JADE1: variants seen among roughly 807,000 people sequenced by gnomAD.
JADE1 encodes the protein protein Jade-1.
A neutral mutation model predicts 81.8 loss-of-function variants in JADE1; 14 were observed. That is an observed-to-expected ratio of 0.17 (90% CI 0.11 to 0.27). The LOEUF is 0.27. JADE1 is among the 10% of genes least tolerant of loss of function. The pLI, the probability that JADE1 is intolerant of heterozygous loss-of-function variation, is 1.00. For synonymous variants in JADE1, 353 were observed against 391.9 expected (o/e 0.90, Z 1.17); for missense variants, 690 against 1,047.9 (o/e 0.66, Z 4.71).
rs769709335 is a variant in JADE1 at position 128,871,716 on chromosome 4, C to A, written c.1983C>A (p.Asp661Glu). ...VVMPDHGKRR[D>E]NRFHCDLIKG... is the part of the protein sequence containing the mutation. ...TGCCAGACCATGGGAAAAGAAGAGA[C>A]AATCGTTTTCATTGTGATCTCATTA... is the stretch of plus-strand genomic sequence containing the variant. Residue 661 changes from aspartate to glutamate, a missense_variant, in exon 11 of 11, where the codon GAC (aspartate) becomes GAA (glutamate). Around this residue, in one of 8 missense-constraint regions of JADE1, gnomAD observed 218 missense variants for 274.3 expected, o/e 0.79. Coordinates refer to ENST00000226319, the MANE Select transcript of JADE1 (RefSeq NM_199320.4). The surrounding 1 kb of genome is among the most constrained non-coding windows in gnomAD (Gnocchi z 4.1). The A allele has an allele frequency of 2.5e-6, 4 of 1,614,014 alleles. No individual in the cohort carries two copies. Among genetic ancestry groups the A allele is most frequent in the Non-Finnish European group, 3.4e-6 (4 of 1,180,016 alleles).
In JADE1 at chr4:128,863,719, G is replaced by A. The variant is rs557708718; in HGVS notation, c.1503+1494G>A. ...TTGCCTCTCACAACTACATGTATGT[G>A]TGGCATTTTTGTTAGAGATGAGAAA... On this transcript the variant is annotated intron_variant, in intron 9 of 10. Coordinates refer to ENST00000226319, the MANE Select transcript of JADE1 (RefSeq NM_199320.4). 5.4e-5 allele frequency: 53 copies of A among 985,398 alleles called. No homozygotes were observed. The South Asian group carries it at 2.0e-3, about 38-fold the overall frequency. The allele number at this position is 985,398 out of a possible 1,614,324, so 61.0% of individuals were successfully genotyped here. A position where few individuals can be genotyped will look rare whatever the true frequency, so the allele number is the denominator to read the frequency against.
intron 6 of JADE1, among the ~76,000 whole-genome samples, chr4:128,854,085 T>G (rs1254574678): frequency 6.6e-6 from 1 of 152,192 alleles, no homozygotes; most frequent in Non-Finnish European, 1.5e-5. Context: ...CTTGCTATTT[T>G]TTTCCCCATG....
At chr4:128,814,092 G>A (rs530019262) in intron 1 of JADE1, among the ~76,000 whole-genome samples, 1 of 152,024 alleles carries the variant, frequency 6.6e-6, no homozygotes, top group South Asian at 2.1e-4. Flanking sequence ...CACTTGACTG[G>A]TTTTCTGCCT....
At chr4:128,811,853 T>C (rs1465431737) in intron 1 of JADE1, 1 of 151,800 alleles carries the variant, frequency 6.6e-6, no homozygotes, top group Non-Finnish European at 1.5e-5. Context: ...TGATACACAG[T>C]TTCCAGAACT....
chr4:128,841,510 CAAGTAGA>C (rs1729431216), intron 2 of JADE1, among the ~76,000 whole-genome samples: 1 of 152,096 alleles, frequency 6.6e-6, no homozygotes, highest in African/African-American at 2.4e-5. Flanking sequence ...TTTCTGACGT[CAAGTAGA>C]AATGGTGGTA....
Position 128,871,706 on chromosome 4 carries a change from A to AAAG in JADE1, c.1978_1980dup (p.Arg660dup), listed in dbSNP as rs1732208156. The AAAG allele has an allele frequency of 6.2e-7, 1 of 1,614,070 alleles. No homozygotes were observed. Among genetic ancestry groups the AAAG allele is most frequent in the Admixed American group, 1.7e-5 (1 of 60,008 alleles). On this transcript the variant is annotated inframe_insertion, in exon 11 of 11. Coordinates refer to ENST00000226319, the MANE Select transcript of JADE1 (RefSeq NM_199320.4). The surrounding 1 kb of genome is among the most constrained non-coding windows in gnomAD (Gnocchi z 4.1). ...GGTGTGGTGATGCCAGACCATGGGA[A>AAAG]AAGAAGAGACAATCGTTTTCATTGT...
At chr4:128,823,198 TA>T (rs1727737795) in intron 1 of JADE1, among the ~76,000 whole-genome samples, 1 of 152,290 alleles carries the variant, frequency 6.6e-6, no homozygotes, top group African/African-American at 2.4e-5. Flanking sequence ...TGCTGACTCT[TA>T]ATTGAGTCAG....
Position 128,861,813 on chromosome 4 carries a change from A to T in JADE1, c.1091A>T (p.Tyr364Phe). The T allele has an allele frequency of 6.2e-7, 1 of 1,614,180 alleles. No individual in the cohort carries two copies. The highest frequency in any genetic ancestry group is 8.5e-7 in the Non-Finnish European group (1 of 1,180,026). The change falls in exon 9 of 11, where the codon TAT becomes TTT. Residue 364 changes from tyrosine to phenylalanine, a missense_variant. Tyr to Phe is a conservative substitution (Grantham distance 22). Around this residue, in one of 8 missense-constraint regions of JADE1, gnomAD observed 77 missense variants for 76.4 expected, o/e 1.01. Coordinates refer to ENST00000226319, the MANE Select transcript of JADE1 (RefSeq NM_199320.4). ...AENDEVKFKS[Y>F]CPKHSSHRKP... ...AATGATGAAGTCAAGTTCAAGTCCT[A>T]TTGCCCAAAGCACAGCTCACATAGG...
intron 5 of JADE1, among the ~76,000 whole-genome samples, chr4:128,850,157 C>T (rs546042944): frequency 2.8e-4 from 43 of 151,570 alleles, no homozygotes; most frequent in Admixed American, 3.3e-4. Flanking sequence ...AGCTAGGCGT[C>T]GTGGTGGGTA....
chr4:128,816,054 G>A (rs1727004600), intron 1 of JADE1, among the ~76,000 whole-genome samples: 1 of 150,724 alleles, frequency 6.6e-6, no homozygotes, highest in Non-Finnish European at 1.5e-5. Context: ...TTTGCTTGGA[G>A]TTTCTGGTTT....
At chr4:128,810,343 A>T (rs187873475) in intron 1 of JADE1, 1 of 149,750 alleles carries the variant, frequency 6.7e-6, no homozygotes, top group African/African-American at 2.5e-5. Context: ...GAAGACTTAG[A>T]GCTATTTCTT....
In JADE1 at chr4:128,846,839, A is replaced by C. The variant is rs570221250; in HGVS notation, c.296+307A>C. On this transcript the variant is annotated intron_variant, in intron 4 of 10. Transcript: ENST00000226319. The surrounding 1 kb of genome is among the most constrained non-coding windows in gnomAD (Gnocchi z 4.0). ...GGGAAGTGATGGGCTAGGGGAGGAA[A>C]ATTTGGGTGTTCACACGTCTGCATC... Among the ~76,000 whole-genome samples, 15 of 152,128 alleles carry C rather than the reference A, an allele frequency of 9.9e-5. No individual in the cohort carries two copies. The highest frequency in any genetic ancestry group is 3.4e-4 in the African/African-American group (14 of 41,514).
intron 5 of JADE1, among the ~76,000 whole-genome samples, chr4:128,851,741 A>G (rs1730374267): frequency 6.6e-6 from 1 of 152,270 alleles, no homozygotes; most frequent in African/African-American, 2.4e-5. Context: ...ATGGCTCACT[A>G]TAGCCCCAAC....
At chr4:128,838,350 T>A (rs993080908) in intron 2 of JADE1, among the ~76,000 whole-genome samples, 8 of 152,246 alleles carry the variant, frequency 5.3e-5, no homozygotes, top group Non-Finnish European at 8.8e-5. Flanking sequence ...TAAAGTGAAC[T>A]TAACTTTAGG....
intron 1 of JADE1, among the ~76,000 whole-genome samples, chr4:128,821,970 CA>C (rs1270246906): frequency 5.3e-5 from 8 of 152,178 alleles, no homozygotes; most frequent in Admixed American, 2.6e-4. Context: ...CCTAATCAAG[CA>C]AATAGGGGAT....
At chr4:128,862,677 C>T (rs1249756808) in intron 9 of JADE1, 2 of 1,013,056 alleles carry the variant, frequency 2.0e-6, no homozygotes, top group African/African-American at 3.5e-5. Context: ...CGGGGAAACA[C>T]ACCTAGGTGC....
intron 1 of JADE1, among the ~76,000 whole-genome samples, chr4:128,828,447 C>A (rs571140433): frequency 2.4e-4 from 36 of 152,212 alleles, no homozygotes; most frequent in Non-Finnish European, 4.6e-4. Context: ...AGCTTGATGT[C>A]AAGGTTTAAG....
chr4:128,846,568 AC>A lies in JADE1; in HGVS notation c.296+39del, dbSNP rs770064066. 2.7e-5 allele frequency: 44 copies of A among 1,606,264 alleles called. No individual in the cohort carries two copies. Among genetic ancestry groups the A allele is most frequent in the Non-Finnish European group, 3.7e-5 (44 of 1,175,744 alleles). ...CCTGAGGACAGAAGCCTCTCCACCC[AC>A]CCTTGCTCTTCTTCCCTGACAGCAG... is the stretch of plus-strand genomic sequence containing the variant. On this transcript the variant is annotated intron_variant, in intron 4 of 10. Transcript: ENST00000226319. This position sits in a 1 kb window ranked among gnomAD's most constrained non-coding sequence, Gnocchi z 4.0.
At chr4:128,824,667 G>A (rs1727886655) in intron 1 of JADE1, among the ~76,000 whole-genome samples, 1 of 152,100 alleles carries the variant, frequency 6.6e-6, no homozygotes, top group Non-Finnish European at 1.5e-5. Context: ...GTAACAGTAC[G>A]GGAACTAAGG....
Sources: allele counts gnomAD v4.1 joint callset (sites outside exome capture counted in the v4.1 genomes callset), GRCh38; gene constraint gnomAD v4.1.1; regional missense constraint gnomAD v4.1.1; non-coding constraint Gnocchi (gnomAD v3.1); transcripts MANE v1.5; gene names NCBI Gene and HGNC (gene_info 2026-07-23, HGNC 2026-07-21).